Variants in GPRIN3 observed in about 807,000 individuals in gnomAD.
The protein encoded by GPRIN3 is G protein-regulated inducer of neurite outgrowth 3.
A neutral mutation model predicts 13.7 loss-of-function variants in GPRIN3; 12 were observed. The observed-to-expected ratio is 0.87, with a 90% CI of 0.56 to 1.42. The LOEUF is 1.42. GPRIN3 is among the 40% of genes most tolerant of loss of function. The pLI is 0.00. For synonymous variants in GPRIN3, 377 were observed against 372.7 expected, an observed-to-expected ratio of 1.01 and a Z score of -0.13; for missense variants, 1,009 against 958.7, an observed-to-expected ratio of 1.05 and a Z score of -0.69.
At chr4:89,273,394 T>C (rs796711051) in intron 1 of GPRIN3, among the ~76,000 whole-genome samples, 1 of 152,182 alleles carries the variant, frequency 6.6e-6, no homozygotes, top group Non-Finnish European at 1.5e-5. Context: ...TTAAAAAACA[T>C]GCCTCGGTCG....
chr4:89,287,220 G>C (rs1031861156), intron 1 of GPRIN3, among the ~76,000 whole-genome samples: 1 of 152,074 alleles, frequency 6.6e-6, no homozygotes, highest in Non-Finnish European at 1.5e-5. Flanking sequence ...AATAACTCTT[G>C]TACTAGACAT....
chr4:89,256,766 CAG>C (rs1723476218), intron 1 of GPRIN3, among the ~76,000 whole-genome samples: 1 of 152,166 alleles, frequency 6.6e-6, no homozygotes. Context: ...TTTTAGTAAT[CAG>C]ATAGCTCCTG....
rs562660720 is a variant in GPRIN3, at chr4:89,247,807, A to G, written c.2304T>C (p.Arg768=). 4.7e-4 allele frequency: 751 copies of G among 1,613,354 alleles called. 13 individuals carry two copies. In the South Asian group the frequency reaches 7.7e-3, roughly 16 times the overall value. ...AATCTAACACAGAAGACGGGGCAGGACGGACGCAGCAGTTGGGGCGTCGGA... is the reference window on the plus strand; with the variant it reads ...AATCTAACACAGAAGACGGGGCAGGGCGGACGCAGCAGTTGGGGCGTCGGA... ...QNFRRPNCCV[R]PAPSSVLD The change falls in exon 2 of 2, where the codon CGT becomes CGC. Residue 768 remains arginine (R), a synonymous_variant. Transcript: ENST00000609438.
chr4:89,307,348 T>C (rs1560487), intron 1 of GPRIN3, among the ~76,000 whole-genome samples: 151,911 of 152,056 alleles, frequency 1, 75,883 homozygotes, highest in Middle Eastern at 1. Flanking sequence ...ATTATAAATT[T>C]CCCTGCCCAC....
At chr4:89,307,197 TACATCC>T (rs1725056887) in intron 1 of GPRIN3, among the ~76,000 whole-genome samples, 1 of 151,864 alleles carries the variant, frequency 6.6e-6, no homozygotes. Context: ...CACACATACA[TACATCC>T]ATATGTAATA....
At chr4:89,262,465 A>G (rs1723658207) in intron 1 of GPRIN3, among the ~76,000 whole-genome samples, 1 of 152,188 alleles carries the variant, frequency 6.6e-6, no homozygotes, top group Admixed American at 6.5e-5. Context: ...ATAATAAAAA[A>G]AATGTAAGGC....
chr4:89,297,079 C>T (rs1415904405), intron 1 of GPRIN3, among the ~76,000 whole-genome samples: 1 of 152,192 alleles, frequency 6.6e-6, no homozygotes, highest in East Asian at 1.9e-4. Flanking sequence ...TGAATTCACA[C>T]AGCTCCATTA....
At chr4:89,273,474 G>T (rs1396121946) in intron 1 of GPRIN3, among the ~76,000 whole-genome samples, 3 of 152,150 alleles carry the variant, frequency 2.0e-5, no homozygotes, top group Non-Finnish European at 4.4e-5. Flanking sequence ...GAGGTCAGGA[G>T]TTCAAGACCA....
chr4:89,289,710 T>C (rs540594618), intron 1 of GPRIN3, among the ~76,000 whole-genome samples: 2 of 152,294 alleles, frequency 1.3e-5, no homozygotes, highest in East Asian at 3.9e-4. Context: ...AACAACTGCC[T>C]GTACCTTCAT....
Position 89,249,574 on chromosome 4 carries a change from A to G in GPRIN3, c.537T>C (p.Ser179=). Residue 179 remains serine (S), a synonymous_variant, in exon 2 of 2, where the codon AGT becomes AGC. Transcript: ENST00000609438. ...KPSCPVGGVL[S]SSKDQVSCEF... ...CACAGGACACCTGATCTTTGCTGCT[A>G]CTGAGGACGCCTCCCACAGGACAAC... 1 of 1,614,144 alleles carries G rather than the reference A, an allele frequency of 6.2e-7. No homozygotes were observed. Among genetic ancestry groups the G allele is most frequent in the Non-Finnish European group, 8.5e-7 (1 of 1,180,012 alleles).
chr4:89,248,255 G>C lies in GPRIN3; in HGVS notation c.1856C>G (p.Ser619Cys), dbSNP rs377503270. 1 of 1,614,088 alleles carries C rather than the reference G, an allele frequency of 6.2e-7. No homozygotes were observed. The highest frequency in any genetic ancestry group is 1.3e-5 in the African/African-American group (1 of 74,950). Residue 619 changes from serine to cysteine, a missense_variant, in exon 2 of 2, where the codon TCT becomes TGT. Physicochemically the swap from Ser to Cys is moderately radical, Grantham distance 112. Coordinates refer to ENST00000609438, the MANE Select transcript of GPRIN3 (RefSeq NM_198281.3). ...SDPMGDSSPGSGKKTPSRSVK... is the reference protein window; with the variant it reads ...SDPMGDSSPGCGKKTPSRSVK... ...GGAGCGAGATGGGGTCTTCTTGCCA[G>C]AACCTGGGCTGGAGTCACCCATGGG... is the stretch of plus-strand genomic sequence containing the variant.
At chr4:89,258,252 G>A (rs1431684068) in intron 1 of GPRIN3, among the ~76,000 whole-genome samples, 18 of 149,618 alleles carry the variant, frequency 1.2e-4, no homozygotes, top group Non-Finnish European at 3.0e-5. Context: ...TTGAGACAGA[G>A]TCTTGCTCTG....
intron 1 of GPRIN3, among the ~76,000 whole-genome samples, chr4:89,270,647 C>A (rs1299671512): frequency 7.0e-6 from 1 of 142,778 alleles, no homozygotes; most frequent in African/African-American, 2.6e-5. Flanking sequence ...TCAAGCGATC[C>A]TCCCACCTCT....
In GPRIN3 at chr4:89,249,778, T is replaced by C; in HGVS notation, c.333A>G (p.Ser111=). The C allele has an allele frequency of 6.2e-7, 1 of 1,614,182 alleles. No homozygotes were observed. Among genetic ancestry groups the C allele is most frequent in the Non-Finnish European group, 8.5e-7 (1 of 1,180,018 alleles). The part of the protein sequence containing the change: ...QLPGSSQPAA[S]APSSAAGRDL... ...CCCTTCCTGCTGCAGAACTCGGGGC[T>C]GATGCTGCGGGCTGGCTGCTCCCTG... The change falls in exon 2 of 2, where the codon TCA becomes TCG. Residue 111 remains serine, a synonymous_variant. Transcript: ENST00000609438.
In GPRIN3 at chr4:89,247,676, C is replaced by A; in HGVS notation, c.*104G>T. On this transcript the variant is annotated 3_prime_UTR_variant, in exon 2 of 2. Transcript: ENST00000609438. The stretch of plus-strand genomic sequence containing the variant: ...AGCAATTTCCTATAGTGAATACTTG[C>A]TTTTTCTTCCTAGTCTTGCAGCAAA... 1 of 1,214,086 alleles carries A rather than the reference C, an allele frequency of 8.2e-7. No homozygotes were observed. The highest frequency in any genetic ancestry group is 1.2e-6 in the Non-Finnish European group (1 of 865,238). 75.2% of individuals were successfully genotyped at this position (1,214,086 alleles called of 1,614,324 possible).
chr4:89,248,629 C>G lies in GPRIN3; in HGVS notation c.1482G>C (p.Glu494Asp), dbSNP rs749700916. The part of the protein sequence containing the change: ...GLGKFETRPS[E>D]FAEKTTNGHK... ...GGCCGTTTGTCGTTTTCTCTGCAAA[C>G]TCAGATGGCCTGGTTTCAAATTTCC... Residue 494 changes from glutamate to aspartate, a missense_variant, in exon 2 of 2, where the codon GAG becomes GAC. Transcript: ENST00000609438. 6.2e-7 allele frequency: 1 copy of G among 1,614,108 alleles called. No homozygotes were observed. The highest frequency in any genetic ancestry group is 1.1e-5 in the South Asian group (1 of 91,074).
chr4:89,297,093 T>C (rs551284524), intron 1 of GPRIN3, among the ~76,000 whole-genome samples: 1 of 152,350 alleles, frequency 6.6e-6, no homozygotes, highest in South Asian at 2.1e-4. Context: ...TCCATTACCA[T>C]CTGTGGGACT....
chr4:89,252,558 T>C (rs1723357486), intron 1 of GPRIN3, among the ~76,000 whole-genome samples: 1 of 152,172 alleles, frequency 6.6e-6, no homozygotes, highest in Non-Finnish European at 1.5e-5. Context: ...AGTGTCAAAA[T>C]AAGGCAAAAT....
At chr4:89,285,460 T>G (rs1334015930) in intron 1 of GPRIN3, among the ~76,000 whole-genome samples, 1 of 152,186 alleles carries the variant, frequency 6.6e-6, no homozygotes, top group African/African-American at 2.4e-5. Flanking sequence ...AACTTTTTCT[T>G]TACTGCAATG....
Sources: gnomAD v4.1 joint callset for allele counts (sites outside exome capture counted in the v4.1 genomes callset) on GRCh38, gnomAD v4.1.1 for gene constraint, MANE v1.5 for transcripts, NCBI Gene and HGNC (gene_info 2026-07-23, HGNC 2026-07-21) for gene names.